Variants in ARAP1 observed in about 807,000 individuals in gnomAD.
ARAP1 encodes ArfGAP with RhoGAP domain, ankyrin repeat and PH domain 1.
In ARAP1, 76 loss-of-function variants were observed where a neutral mutation model predicts 172.2. That is an observed-to-expected ratio of 0.44 (90% confidence interval 0.37 to 0.53). The LOEUF is 0.53. Among genes scored for constraint, ARAP1 ranks in the 20% least tolerant of loss-of-function variants. ARAP1 has a pLI of 0.00. For missense variants in ARAP1, 1,686 were observed against 1,977.5 expected, an observed-to-expected ratio of 0.85 and a Z score of 2.80; for synonymous variants, 804 against 803.3, an observed-to-expected ratio of 1.00 and a Z score of -0.01.
rs1565227597 is a variant in ARAP1, at chr11:72,725,335, T to TC, written c.509+1284dup. 1.3e-5 allele frequency among the ~76,000 whole-genome samples: 2 copies of TC among 150,280 alleles called. No individual in the cohort carries two copies. Among genetic ancestry groups the TC allele is most frequent in the African/African-American group, 2.5e-5 (1 of 40,596 alleles). ...CTCTCTCTCTTTTTCTCTCTCTCTC[T>TC]CCCCCCCACAAGCTGATGGGGTTGA... On this transcript the variant is annotated intron_variant, in intron 3 of 34. Transcript: ENST00000393609. This position sits in a 1 kb window ranked among gnomAD's most constrained non-coding sequence, Gnocchi z 4.3.
intron 13 of ARAP1, chr11:72,704,858 C>T (rs1856681620): frequency 6.3e-6 from 1 of 158,378 alleles, no homozygotes; most frequent in Admixed American, 5.9e-5. Context: ...TCCTAGGCCC[C>T]CCACCTTGCC....
At chr11:72,701,085 A>C (rs181757727) in intron 16 of ARAP1, among the ~76,000 whole-genome samples, 1 of 152,210 alleles carries the variant, frequency 6.6e-6, no homozygotes, top group East Asian at 1.9e-4. Context: ...TGAAACAGAG[A>C]CCTGACGGAA....
At chr11:72,723,352 G>A (rs1555017530) in intron 3 of ARAP1, among the ~76,000 whole-genome samples, 4 of 152,068 alleles carry the variant, frequency 2.6e-5, no homozygotes, top group South Asian at 2.1e-4. Context: ...AGCAGGGGGT[G>A]CAGACTCTGG....
At chr11:72,716,477 G>T (rs1275472773) in intron 3 of ARAP1, among the ~76,000 whole-genome samples, 1 of 152,266 alleles carries the variant, frequency 6.6e-6, no homozygotes, top group African/African-American at 2.4e-5. Flanking sequence ...ACTGCCTTTG[G>T]CAGCATGGCC....
At position 72,695,086 on chromosome 11, in the gene ARAP1, G is replaced by A. The variant is rs1856121410; in HGVS notation, c.3588C>T (p.Ser1196=). 2 of 1,613,914 alleles carry A rather than the reference G, an allele frequency of 1.2e-6. No homozygotes were observed. Among genetic ancestry groups the A allele is most frequent in the Admixed American group, 1.7e-5 (1 of 60,000 alleles). ...CCAGGGTGAGCTCCTCAGCAGTCAT[G>A]GATGCTGGGACCTGCAAGGACCAAG... ...ETEQHIKVPA[S]MTAEELTLEI... is the part of the protein sequence containing the mutation. The change falls in exon 27 of 35, where the codon TCC becomes TCT. Residue 1196 remains serine (S), a synonymous_variant. Coordinates refer to ENST00000393609, the MANE Select transcript of ARAP1 (RefSeq NM_001040118.3). This position sits in a 1 kb window ranked among gnomAD's most constrained non-coding sequence, Gnocchi z 4.4.
chr11:72,693,099 T>C lies in ARAP1; in HGVS notation c.3954+226A>G. 1 of 675,082 alleles carries C rather than the reference T, an allele frequency of 1.5e-6. No homozygotes were observed. Among genetic ancestry groups the C allele is most frequent in the Non-Finnish European group, 2.5e-6 (1 of 402,984 alleles). 41.8% of individuals were successfully genotyped at this position (675,082 alleles called of 1,614,324 possible). On this transcript the variant is annotated intron_variant, in intron 29 of 34. Transcript: ENST00000393609. This position sits in a 1 kb window ranked among gnomAD's most constrained non-coding sequence, Gnocchi z 4.6. ...GACAGAGCATGGGCATGGAGTGGTGTGATGGCATCCGGGTGCCAGGGCTTA... is the reference window on the plus strand; with the variant it reads ...GACAGAGCATGGGCATGGAGTGGTGCGATGGCATCCGGGTGCCAGGGCTTA...
chr11:72,692,845 G>A, intron 29 of ARAP1, 60 bp from the exon 30 acceptor site: 1 of 1,599,942 alleles, frequency 6.3e-7, no homozygotes. Flanking sequence ...AGGACAGCAT[G>A]TGCAGTGATG....
At chr11:72,728,260 A>T (rs1221798119) in intron 2 of ARAP1, among the ~76,000 whole-genome samples, 1 of 152,230 alleles carries the variant, frequency 6.6e-6, no homozygotes, top group African/African-American at 2.4e-5. Flanking sequence ...TATAACAACC[A>T]GTAAAGACTT....
At chr11:72,702,635 C>A (rs1017632893) in intron 15 of ARAP1, among the ~76,000 whole-genome samples, 4 of 152,338 alleles carry the variant, frequency 2.6e-5, no homozygotes, top group Middle Eastern at 3.4e-3. Flanking sequence ...GGCTCAGAGG[C>A]GCACAAACAC....
chr11:72,712,094 C>G, intron 7 of ARAP1, 102 bp downstream of exon 7: 1 of 1,437,032 alleles, frequency 7.0e-7, no homozygotes, highest in Non-Finnish European at 9.2e-7. Context: ...GCAGGCCCTT[C>G]TGGTTTTCAG....
chr11:72,687,032 C>A (rs1855720683), intron 33 of ARAP1, among the ~76,000 whole-genome samples: 1 of 152,206 alleles, frequency 6.6e-6, no homozygotes, highest in Non-Finnish European at 1.5e-5. Flanking sequence ...ATCTCTGGAC[C>A]TTTGCCTAAA....
At chr11:72,746,872 C>T (rs1175726902) in intron 1 of ARAP1, among the ~76,000 whole-genome samples, 3 of 152,230 alleles carry the variant, frequency 2.0e-5, no homozygotes, top group Non-Finnish European at 4.4e-5. Flanking sequence ...ACCCTGGGTT[C>T]CTGACTCTGC....
At chr11:72,724,542 T>C (rs1857630906) in intron 3 of ARAP1, among the ~76,000 whole-genome samples, 1 of 152,080 alleles carries the variant, frequency 6.6e-6, no homozygotes, top group African/African-American at 2.4e-5. Flanking sequence ...TCAGGGTCCA[T>C]GTTGGCCCCC....
At chr11:72,713,278 G>A in intron 4 of ARAP1, 35 bp from the exon 5 acceptor site, 1 of 1,601,750 alleles carries the variant, frequency 6.2e-7, no homozygotes, top group Non-Finnish European at 8.6e-7. Context: ...CTCAGGGCAA[G>A]GGGCCTGGCC....
intron 15 of ARAP1, among the ~76,000 whole-genome samples, chr11:72,702,198 A>G (rs1288154249): frequency 1.3e-5 from 2 of 152,218 alleles, no homozygotes; most frequent in African/African-American, 4.8e-5. Context: ...CCCCACGGTC[A>G]GCGCCGTGGG....
At chr11:72,711,695 T>TC (rs11419817) in intron 7 of ARAP1, among the ~76,000 whole-genome samples, 196 bp from the exon 8 acceptor site, 1,168 of 5,684 alleles carry the variant, frequency 0.21, 16 homozygotes, top group African/African-American at 0.43. Context: ...AGCACATCTC[T>TC]TTTTTTTTTT....
rs758067721 is a variant in ARAP1, at chr11:72,694,979, C to T, written c.3694+1G>A. The T allele has an allele frequency of 6.2e-7, 1 of 1,613,800 alleles. No individual in the cohort carries two copies. Among genetic ancestry groups the T allele is most frequent in the South Asian group, 1.1e-5 (1 of 91,058 alleles). On this transcript the variant is annotated splice_donor_variant, in intron 27 of 34. Coordinates refer to ENST00000393609, the MANE Select transcript of ARAP1 (RefSeq NM_001040118.3). LOFTEE classifies it high-confidence loss of function. Reference sequence around the variant, plus strand: ...CCCTGCACAAGCCCAGCGTCACCCACCTGCCTCCTCCCTCTCGTTGACCTC... The same window carrying T: ...CCCTGCACAAGCCCAGCGTCACCCATCTGCCTCCTCCCTCTCGTTGACCTC...
intron 1 of ARAP1, among the ~76,000 whole-genome samples, chr11:72,735,303 C>A (rs2135582521): frequency 6.6e-6 from 1 of 152,072 alleles, no homozygotes; most frequent in East Asian, 2.0e-4. Context: ...AACCACTCTT[C>A]ACGGCCTCTC....
chr11:72,715,787 G>A (rs1050203056), intron 3 of ARAP1, among the ~76,000 whole-genome samples: 3 of 151,712 alleles, frequency 2.0e-5, no homozygotes, highest in East Asian at 1.9e-4. Context: ...CTCCCACCTC[G>A]GCTTCCCAAA....
Sources: allele counts gnomAD v4.1 joint callset (sites outside exome capture counted in the v4.1 genomes callset), GRCh38; gene constraint gnomAD v4.1.1; non-coding constraint Gnocchi (gnomAD v3.1); transcripts MANE v1.5; gene names NCBI Gene and HGNC (gene_info 2026-07-23, HGNC 2026-07-21).